UBA6: variants seen among roughly 807,000 people sequenced by gnomAD.
The protein encoded by UBA6 is ubiquitin-like modifier-activating enzyme 6.
In UBA6, 87 loss-of-function variants were observed where a neutral mutation model predicts 148.3. The observed-to-expected ratio is 0.59, with a 90% confidence interval of 0.49 to 0.70. UBA6 has a LOEUF of 0.70. Ranked by LOEUF, UBA6 falls within the 30% of genes least tolerant of loss-of-function variation. The pLI is 0.00. For synonymous variants in UBA6, 376 were observed against 401.0 expected (o/e 0.94, Z 0.75); for missense variants, 1,186 against 1,241.2 (o/e 0.96, Z 0.67).
chr4:67,631,118 T>C (rs1347748053), intron 25 of UBA6, among the ~76,000 whole-genome samples: 2 of 152,092 alleles, frequency 1.3e-5, no homozygotes, highest in Non-Finnish European at 2.9e-5. Context: ...CCCAGCTACT[T>C]GGGAAGCTGA....
chr4:67,678,633 T>C (rs1469220237), intron 4 of UBA6, 100 bp from the exon 5 acceptor site: 2 of 513,748 alleles, frequency 3.9e-6, no homozygotes, highest in Non-Finnish European at 6.9e-6. Context: ...TTTTGTGTAA[T>C]TAGACAATGA....
intron 8 of UBA6, 94 bp downstream of exon 8, chr4:67,670,376 C>T: frequency 4.7e-6 from 5 of 1,068,860 alleles, no homozygotes; most frequent in Non-Finnish European, 6.8e-6. Flanking sequence ...AAATTTTGCA[C>T]ACTGCAATAC....
chr4:67,649,963 A>C (rs1266934845), intron 13 of UBA6, among the ~76,000 whole-genome samples: 1 of 152,152 alleles, frequency 6.6e-6, no homozygotes, highest in Non-Finnish European at 1.5e-5. Context: ...TACACAGAGG[A>C]GAGGACAGAG....
Position 67,625,166 on chromosome 4 carries a change from A to T in UBA6, c.2540T>A (p.Leu847His). 2 of 1,610,094 alleles carry T rather than the reference A, an allele frequency of 1.2e-6. No individual in the cohort carries two copies. The highest frequency in any genetic ancestry group is 1.7e-6 in the Non-Finnish European group (2 of 1,178,140). ...ATGATCATCATCTTTTTCAAATGAAAGCACTGCCATCTGAAGGTCACCTGA... is the reference window on the plus strand; with the variant it reads ...ATGATCATCATCTTTTTCAAATGAATGCACTGCCATCTGAAGGTCACCTGA... Reference protein sequence around the residue: ...ATKSDLQMAVLSFEKDDDHNG... With the variant: ...ATKSDLQMAVHSFEKDDDHNG... The change falls in exon 29 of 33, where the codon CTT becomes CAT. Residue 847 changes from leucine to histidine, a missense_variant. Leu to His is a moderately conservative substitution (Grantham distance 99). Coordinates refer to ENST00000322244, the MANE Select transcript of UBA6 (RefSeq NM_018227.6).
chr4:67,625,622 A>T (rs1396358612), intron 28 of UBA6, among the ~76,000 whole-genome samples: 1 of 151,980 alleles, frequency 6.6e-6, no homozygotes, highest in African/African-American at 2.4e-5. Flanking sequence ...AGTTGGTCAA[A>T]TTAAAATAAG....
At chr4:67,657,442 C>T (rs895977360) in intron 13 of UBA6, among the ~76,000 whole-genome samples, 4 of 152,158 alleles carry the variant, frequency 2.6e-5, no homozygotes, top group Non-Finnish European at 5.9e-5. Flanking sequence ...AAAGGATTCC[C>T]TATTTAATAA....
At chr4:67,663,693 T>C (rs550623995) in intron 11 of UBA6, 192 bp downstream of exon 11, 3 of 509,202 alleles carry the variant, frequency 5.9e-6, no homozygotes, top group East Asian at 6.1e-5. Flanking sequence ...CATTTTTTTC[T>C]ATGAGACAAA....
intron 1 of UBA6, among the ~76,000 whole-genome samples, chr4:67,698,966 A>G (rs1384316125): frequency 6.6e-6 from 1 of 152,196 alleles, no homozygotes; most frequent in African/African-American, 2.4e-5. Context: ...GTCAAAAAAC[A>G]AACAAACAAA....
chr4:67,682,279 G>A (rs1730462117), intron 2 of UBA6, 66 bp from the exon 3 acceptor site: 1 of 1,251,714 alleles, frequency 8.0e-7, no homozygotes, highest in East Asian at 2.4e-5. Context: ...TCTTAAAGTT[G>A]TTTGCAAACT....
rs556326437 is a variant in UBA6 at position 67,613,668 on chromosome 4, A to G, written c.*5329T>C. 11 of 152,274 alleles carry G rather than the reference A, an allele frequency of 7.2e-5. No homozygotes were observed. In the South Asian group the frequency reaches 1.4e-3, roughly 20 times the overall value. 9.4% of individuals were successfully genotyped at this position (152,274 alleles called of 1,614,324 possible). A position where few individuals can be genotyped will look rare whatever the true frequency, so the allele number is the denominator to read the frequency against. On this transcript the variant is annotated 3_prime_UTR_variant, in exon 33 of 33. Transcript: ENST00000322244. ...CACAGGGATAGAAAAAAGGGAAAAA[A>G]TGTTTAGAAAGAGATGTAAGGACTA...
intron 10 of UBA6, among the ~76,000 whole-genome samples, chr4:67,664,626 C>T (rs1184857810): frequency 6.6e-6 from 1 of 152,090 alleles, no homozygotes; most frequent in South Asian, 2.1e-4. Flanking sequence ...AGTTCCCTGA[C>T]ACCACATTCT....
At chr4:67,687,688 A>G (rs1730604916) in intron 2 of UBA6, among the ~76,000 whole-genome samples, 1 of 152,178 alleles carries the variant, frequency 6.6e-6, no homozygotes, top group Non-Finnish European at 1.5e-5. Context: ...AACTAAGAAA[A>G]ATCCTCATAA....
intron 23 of UBA6, 148 bp from the exon 24 acceptor site, chr4:67,632,056 T>C (rs1421258847): frequency 1.4e-6 from 1 of 691,824 alleles, no homozygotes; most frequent in Non-Finnish European, 2.4e-6. Context: ...GAAGTCTCCC[T>C]ACCACCCTTG....
intron 19 of UBA6, 40 bp from the exon 20 acceptor site, chr4:67,635,598 C>G (rs1246337833): frequency 7.8e-7 from 1 of 1,278,758 alleles, no homozygotes; most frequent in Non-Finnish European, 1.1e-6. Context: ...AAAAAGTGAG[C>G]AATAACAATG....
At chr4:67,623,643 T>C (rs933856175) in intron 30 of UBA6, among the ~76,000 whole-genome samples, 9 of 152,192 alleles carry the variant, frequency 5.9e-5, no homozygotes, top group Admixed American at 2.6e-4. Flanking sequence ...ATCTGAAATA[T>C]AGTGCTATAT....
At chr4:67,626,296 G>A in intron 28 of UBA6, 64 bp downstream of exon 28, 1 of 916,048 alleles carries the variant, frequency 1.1e-6, no homozygotes, top group East Asian at 2.4e-5. Flanking sequence ...ATTCTTAGGT[G>A]TAGAGCTTAG....
rs200616902 is a variant in UBA6 at position 67,682,184 on chromosome 4, G to C, written c.164C>G (p.Ala55Gly). The C allele has an allele frequency of 2.5e-6, 4 of 1,613,654 alleles. No homozygotes were observed. In the African/African-American group the frequency reaches 5.3e-5, roughly 22 times the overall value. The change falls in exon 3 of 33, where the codon GCA (alanine) becomes GGA (glycine). Residue 55 changes from alanine (A) to glycine (G), a missense_variant. Transcript: ENST00000322244. ...ATGGGACTTGGCCATCTTCTGCATT[G>C]CTGTGTCTCCAAGAACGTACCTCTG... ...SRQRYVLGDT[A>G]MQKMAKSHVF...
intron 2 of UBA6, among the ~76,000 whole-genome samples, chr4:67,683,276 T>C (rs367579931): frequency 7.2e-4 from 109 of 152,364 alleles, no homozygotes; most frequent in African/African-American, 2.5e-3. Context: ...AGGTTTTACC[T>C]GATTTTAGAC....
At chr4:67,620,705 A>G (rs1206303560) in intron 32 of UBA6, among the ~76,000 whole-genome samples, 2 of 152,178 alleles carry the variant, frequency 1.3e-5, no homozygotes, top group African/African-American at 4.8e-5. Context: ...TATGATAACA[A>G]AATATTAACA....
Sources: allele counts gnomAD v4.1 joint callset (sites outside exome capture counted in the v4.1 genomes callset), GRCh38; gene constraint gnomAD v4.1.1; transcripts MANE v1.5; gene names NCBI Gene and HGNC (gene_info 2026-07-23, HGNC 2026-07-21).